Variants in XKR6 observed in about 807,000 individuals in gnomAD.
The protein encoded by XKR6 is XK related 6.
In XKR6, 22 loss-of-function variants were observed where a neutral mutation model predicts 56.7. That is an observed-to-expected ratio of 0.39 (90% CI 0.28 to 0.55). XKR6 has a LOEUF of 0.55. Ranked by LOEUF, XKR6 falls within the 20% of genes least tolerant of loss-of-function variation. The probability of loss-of-function intolerance (pLI) is 0.66; values close to 1 mark genes in which losing one functional copy is unlikely to be tolerated. For missense variants in XKR6, 852 were observed against 889.0 expected, an observed-to-expected ratio of 0.96 and a Z score of 0.53; for synonymous variants, 524 against 387.8, an observed-to-expected ratio of 1.35 and a Z score of -4.13.
intron 1 of XKR6, among the ~76,000 whole-genome samples, chr8:11,152,926 G>C (rs1475373242): frequency 6.6e-6 from 1 of 152,142 alleles, no homozygotes; most frequent in Non-Finnish European, 1.5e-5. Context: ...CTTTAAAATG[G>C]CCCAAGCTGT....
At chr8:10,951,406 G>A (rs140154193) in intron 1 of XKR6, among the ~76,000 whole-genome samples, 366 of 152,220 alleles carry the variant, frequency 2.4e-3, no homozygotes, top group African/African-American at 8.4e-3. Flanking sequence ...AGAGGGGAAT[G>A]GGCTTGCAGT....
intron 1 of XKR6, among the ~76,000 whole-genome samples, chr8:10,972,341 C>T (rs1012376459): frequency 6.6e-6 from 1 of 152,202 alleles, no homozygotes; most frequent in Non-Finnish European, 1.5e-5. Context: ...CCAATTCTTT[C>T]CTGCTGAGCT....
intron 1 of XKR6, among the ~76,000 whole-genome samples, chr8:11,102,985 C>T (rs10503413): frequency 0.027 from 4,158 of 152,246 alleles, 88 homozygotes; most frequent in African/African-American, 0.059. Flanking sequence ...ATTAGAGAAA[C>T]GGCTTTTATG....
chr8:10,995,558 C>A (rs969267484), intron 1 of XKR6, among the ~76,000 whole-genome samples: 2 of 150,128 alleles, frequency 1.3e-5, no homozygotes, highest in Non-Finnish European at 3.0e-5. Context: ...CATGGTGGCA[C>A]ACGCCTGTGG....
Position 11,071,536 on chromosome 8 carries a change from G to A in XKR6, c.764+129040C>T, listed in dbSNP as rs188009629. Among the ~76,000 whole-genome samples, 325 of 143,992 alleles carry A rather than the reference G, an allele frequency of 2.3e-3. 4 individuals are homozygous for A. Among genetic ancestry groups the A allele is most frequent in the African/African-American group, 8.1e-3 (312 of 38,726 alleles). 94.5% of individuals were successfully genotyped at this position (143,992 alleles called of 152,430 possible). A position where few individuals can be genotyped will look rare whatever the true frequency, so the allele number is the denominator to read the frequency against. ...TATGAGCCCCGAGTCCATGAGCCCC[G>A]AGTCTATGAGCCCCGAGTCCATGAG... On this transcript the variant is annotated intron_variant, in intron 1 of 2. Coordinates refer to ENST00000416569, the MANE Select transcript of XKR6 (RefSeq NM_173683.4).
intron 1 of XKR6, among the ~76,000 whole-genome samples, chr8:10,984,941 G>A (rs1797826532): frequency 6.6e-6 from 1 of 151,282 alleles, no homozygotes; most frequent in South Asian, 2.1e-4. Flanking sequence ...TTTTTGTTGT[G>A]GTTTTTTGTT....
chr8:11,001,809 G>A (rs1798245864), intron 1 of XKR6, among the ~76,000 whole-genome samples: 1 of 152,324 alleles, frequency 6.6e-6, no homozygotes, highest in Non-Finnish European at 1.5e-5. Context: ...GCCCAGGCCA[G>A]CAGCTCACTG....
At chr8:10,986,788 CT>C (rs879286074) in intron 1 of XKR6, among the ~76,000 whole-genome samples, 266 of 142,536 alleles carry the variant, frequency 1.9e-3, no homozygotes, top group Middle Eastern at 3.6e-3. Context: ...GTTGTTGTTT[CT>C]TTTTTTTTTT....
chr8:10,998,179 C>G (rs928607964), intron 1 of XKR6, among the ~76,000 whole-genome samples: 3 of 152,126 alleles, frequency 2.0e-5, no homozygotes, highest in African/African-American at 4.8e-5. Context: ...AAGATCACCC[C>G]TTCTCCCACT....
chr8:11,007,374 G>A (rs1236505374), intron 1 of XKR6, among the ~76,000 whole-genome samples: 2 of 152,192 alleles, frequency 1.3e-5, no homozygotes, highest in Admixed American at 1.3e-4. Flanking sequence ...CTCAAGACTA[G>A]GGGCTAATGT....
At chr8:11,178,637 A>G (rs975109164) in intron 1 of XKR6, among the ~76,000 whole-genome samples, 2 of 134,306 alleles carry the variant, frequency 1.5e-5, no homozygotes, top group African/African-American at 3.6e-5. Flanking sequence ...AAATATATAT[A>G]TACACATACA....
intron 1 of XKR6, among the ~76,000 whole-genome samples, chr8:10,940,433 G>A (rs1400409696): frequency 1.3e-5 from 2 of 152,198 alleles, no homozygotes; most frequent in Non-Finnish European, 2.9e-5. Flanking sequence ...CAGGAGGGCT[G>A]CAGCCCCAGG....
intron 1 of XKR6, among the ~76,000 whole-genome samples, chr8:11,199,972 C>CA (rs80153634): frequency 1.2e-3 from 167 of 136,064 alleles, no homozygotes; most frequent in Admixed American, 2.3e-3. Flanking sequence ...TCCAGCAAAC[C>CA]AAAAAAAAAA....
rs995868638 is a variant in XKR6 at position 11,002,385 on chromosome 8, C to T, written c.765-77555G>A. The T allele has an allele frequency of 1.1e-5, 4 of 348,334 alleles. No individual in the cohort carries two copies. In the Admixed American group the frequency reaches 1.3e-4, roughly 12 times the overall value. The allele number at this position is 348,334 out of a possible 1,614,324, so 21.6% of individuals were successfully genotyped here. On this transcript the variant is annotated intron_variant, in intron 1 of 2. Transcript: ENST00000416569. ...TGCAGGGGAAGGCTCAGCCAGCACT[C>T]ACCCAGCAGTTCTGTTGGCCTGGGG...
At chr8:11,003,117 G>C (rs1044565015) in intron 1 of XKR6, among the ~76,000 whole-genome samples, 1 of 152,146 alleles carries the variant, frequency 6.6e-6, no homozygotes, top group Non-Finnish European at 1.5e-5. Context: ...GGTTAATTCA[G>C]GAAGCATCAA....
At chr8:11,007,848 T>C (rs1180339191) in intron 1 of XKR6, among the ~76,000 whole-genome samples, 1 of 151,600 alleles carries the variant, frequency 6.6e-6, no homozygotes, top group African/African-American at 2.4e-5. Flanking sequence ...TTCCTAGCGG[T>C]AGGAGAGGTA....
At chr8:11,066,842 A>T (rs1193057907) in intron 1 of XKR6, 1 of 152,212 alleles carries the variant, frequency 6.6e-6, no homozygotes, top group Non-Finnish European at 1.5e-5. Flanking sequence ...AACAGTCGAG[A>T]GGCCCACCTG....
chr8:11,034,922 T>G (rs949243771), intron 1 of XKR6, among the ~76,000 whole-genome samples: 1 of 152,196 alleles, frequency 6.6e-6, no homozygotes, highest in African/African-American at 2.4e-5. Flanking sequence ...GTGATACTAA[T>G]GTACTAGCCA....
chr8:11,083,861 A>T (rs948962681), intron 1 of XKR6, among the ~76,000 whole-genome samples: 2 of 152,188 alleles, frequency 1.3e-5, no homozygotes, highest in African/African-American at 4.8e-5. Flanking sequence ...CATGTTTTAA[A>T]TTTTTGCAAG....
Sources: gnomAD v4.1 joint callset for allele counts (sites outside exome capture counted in the v4.1 genomes callset) on GRCh38, gnomAD v4.1.1 for gene constraint, MANE v1.5 for transcripts, NCBI Gene and HGNC (gene_info 2026-07-23, HGNC 2026-07-21) for gene names.